Variants in GRB14 observed in about 807,000 individuals in gnomAD.
The protein encoded by GRB14 is growth factor receptor bound protein 14.
A neutral mutation model predicts 69.1 loss-of-function variants in GRB14; 38 were observed. The observed-to-expected ratio is 0.55, with a 90% CI of 0.42 to 0.72. The LOEUF is 0.72. Ranked by LOEUF, GRB14 falls within the 30% of genes least tolerant of loss-of-function variation. The pLI is 0.00. For missense variants in GRB14, 666 were observed against 666.1 expected, an observed-to-expected ratio of 1.00 and a Z score of 0.00; for synonymous variants, 247 against 241.3, an observed-to-expected ratio of 1.02 and a Z score of -0.22.
intron 3 of GRB14, among the ~76,000 whole-genome samples, chr2:164,530,296 A>T (rs1044206639): frequency 6.6e-6 from 1 of 152,136 alleles, no homozygotes; most frequent in Non-Finnish European, 1.5e-5. Flanking sequence ...TTTTGTGTGA[A>T]CAAATAGAGT....
Position 164,509,897 on chromosome 2 carries a change from G to A in GRB14, c.817-1045C>T, listed in dbSNP as rs144890350. Among the ~76,000 whole-genome samples, 182 of 151,666 alleles carry A rather than the reference G, an allele frequency of 1.2e-3. 1 individual carries two copies. Among genetic ancestry groups the A allele is most frequent in the African/African-American group, 4.0e-3 (164 of 41,318 alleles). On this transcript the variant is annotated intron_variant, in intron 6 of 13. Coordinates refer to ENST00000263915, the MANE Select transcript of GRB14 (RefSeq NM_004490.3). ...AAAGAATCTTTCATTGTCATTTACCGGTGTTATTCCACCTCTGATAACTGG... is the reference window on the plus strand; with the variant it reads ...AAAGAATCTTTCATTGTCATTTACCAGTGTTATTCCACCTCTGATAACTGG...
intron 2 of GRB14, among the ~76,000 whole-genome samples, chr2:164,575,863 A>G (rs1173774941): frequency 1.3e-5 from 2 of 152,178 alleles, no homozygotes; most frequent in African/African-American, 2.4e-5. Context: ...TCAAAAATCT[A>G]TAAATTGGAA....
At chr2:164,547,473 G>C (rs190028257) in intron 3 of GRB14, among the ~76,000 whole-genome samples, 187 bp downstream of exon 3, 3 of 151,976 alleles carry the variant, frequency 2.0e-5, no homozygotes, top group Non-Finnish European at 4.4e-5. Context: ...AAACATCAAT[G>C]AGTTGGCTAT....
chr2:164,525,029 T>G lies in GRB14; in HGVS notation c.653A>C (p.Glu218Ala). ...CTGCAAAATCTGTGTGGGGGATATT[T>G]CACCATTGGTTTCAGTTGCAAAAGA... ...MVSFATETNG[E>A]ISPTQILQMF... The change falls in exon 5 of 14, where the codon GAA (glutamate) becomes GCA (alanine). Residue 218 changes from glutamate (E) to alanine (A), a missense_variant. Coordinates refer to ENST00000263915, the MANE Select transcript of GRB14 (RefSeq NM_004490.3). 6.3e-7 allele frequency: 1 copy of G among 1,590,890 alleles called. No homozygotes were observed. The highest frequency in any genetic ancestry group is 8.6e-7 in the Non-Finnish European group (1 of 1,165,028).
intron 3 of GRB14, among the ~76,000 whole-genome samples, chr2:164,545,270 C>T (rs937136122): frequency 7.9e-5 from 12 of 152,116 alleles, no homozygotes; most frequent in Admixed American, 1.3e-4. Flanking sequence ...CTATAGCCCC[C>T]GAAAGATAAC....
chr2:164,588,624 C>CAT (rs1222821384), intron 2 of GRB14, among the ~76,000 whole-genome samples: 1 of 152,106 alleles, frequency 6.6e-6, no homozygotes, highest in Non-Finnish European at 1.5e-5. Flanking sequence ...TATGCCAGGA[C>CAT]ATATATATGC....
In GRB14 at chr2:164,522,128, A is replaced by C; in HGVS notation, c.679-11T>G. On this transcript the variant is annotated splice_polypyrimidine_tract_variant and intron_variant, in intron 5 of 13. Coordinates refer to ENST00000263915, the MANE Select transcript of GRB14 (RefSeq NM_004490.3). ...TGAACTCAGAAACATCTGAAAGAAA[A>C]TTTATATATTTTCAAACTATGATTA... 1 of 1,485,852 alleles carries C rather than the reference A, an allele frequency of 6.7e-7. No homozygotes were observed. Among genetic ancestry groups the C allele is most frequent in the Non-Finnish European group, 9.2e-7 (1 of 1,081,522 alleles). The allele number at this position is 1,485,852 out of a possible 1,614,324, so 92.0% of individuals were successfully genotyped here. A position where few individuals can be genotyped will look rare whatever the true frequency, so the allele number is the denominator to read the frequency against.
At chr2:164,511,779 T>C (rs541821628) in intron 6 of GRB14, among the ~76,000 whole-genome samples, 2 of 152,240 alleles carry the variant, frequency 1.3e-5, no homozygotes, top group South Asian at 2.1e-4. Context: ...ATGTTCAATG[T>C]ATGTTCGATG....
At chr2:164,540,177 G>A (rs1688194667) in intron 3 of GRB14, among the ~76,000 whole-genome samples, 2 of 152,100 alleles carry the variant, frequency 1.3e-5, no homozygotes, top group East Asian at 3.9e-4. Flanking sequence ...CAAGCACACT[G>A]CCACGTCCAG....
At chr2:164,535,520 G>A (rs569453260) in intron 3 of GRB14, among the ~76,000 whole-genome samples, 1 of 152,200 alleles carries the variant, frequency 6.6e-6, no homozygotes, top group African/African-American at 2.4e-5. Flanking sequence ...AACAAAAGTG[G>A]CTTTTACCTC....
At chr2:164,619,623 C>G in intron 2 of GRB14, 64 bp downstream of exon 2, 4 of 1,133,372 alleles carry the variant, frequency 3.5e-6, no homozygotes, top group Non-Finnish European at 5.1e-6. Flanking sequence ...TACGGAACAC[C>G]TTAAAGACTG....
intron 2 of GRB14, among the ~76,000 whole-genome samples, chr2:164,592,265 G>T (rs549865886): frequency 6.6e-6 from 1 of 152,046 alleles, no homozygotes; most frequent in Non-Finnish European, 1.5e-5. Flanking sequence ...CTTCCAAGTA[G>T]CTGGGACTAC....
At chr2:164,564,561 A>G (rs1453112368) in intron 2 of GRB14, among the ~76,000 whole-genome samples, 1 of 152,180 alleles carries the variant, frequency 6.6e-6, no homozygotes, top group Non-Finnish European at 1.5e-5. Context: ...TGAATTTACA[A>G]TTTTCAAAAG....
At chr2:164,602,162 G>A (rs562103565) in intron 2 of GRB14, among the ~76,000 whole-genome samples, 5 of 150,086 alleles carry the variant, frequency 3.3e-5, no homozygotes, top group African/African-American at 1.2e-4. Context: ...GGAGGGAAGG[G>A]AAGAGAAGGG....
intron 4 of GRB14, 70 bp from the exon 5 acceptor site, chr2:164,525,148 T>C: frequency 9.6e-7 from 1 of 1,042,940 alleles, no homozygotes; most frequent in Non-Finnish European, 1.4e-6. Flanking sequence ...ACCAATATAG[T>C]AATCAAAAGC....
intron 2 of GRB14, among the ~76,000 whole-genome samples, chr2:164,587,896 T>C (rs767035631): frequency 9.2e-5 from 14 of 152,120 alleles, no homozygotes; most frequent in Non-Finnish European, 1.8e-4. Context: ...GTGGTCCACA[T>C]TAAAAGGAGG....
intron 8 of GRB14, among the ~76,000 whole-genome samples, chr2:164,506,451 A>G (rs1050741456): frequency 1.3e-5 from 2 of 152,238 alleles, no homozygotes; most frequent in African/African-American, 2.4e-5. Flanking sequence ...CAAAAAAAGT[A>G]AATAACAAGT....
intron 6 of GRB14, among the ~76,000 whole-genome samples, chr2:164,509,835 G>A (rs1468587116): frequency 6.8e-6 from 1 of 147,194 alleles, no homozygotes; most frequent in Non-Finnish European, 1.5e-5. Flanking sequence ...AGAACACACT[G>A]AGCAAAACGG....
At chr2:164,589,706 G>A (rs1689617312) in intron 2 of GRB14, among the ~76,000 whole-genome samples, 1 of 152,008 alleles carries the variant, frequency 6.6e-6, no homozygotes, top group Non-Finnish European at 1.5e-5. Context: ...CCACCAATGG[G>A]GATCAAATTT....
Sources: allele counts gnomAD v4.1 joint callset (sites outside exome capture counted in the v4.1 genomes callset), GRCh38; gene constraint gnomAD v4.1.1; transcripts MANE v1.5; gene names NCBI Gene and HGNC (gene_info 2026-07-23, HGNC 2026-07-21).